The following LMNTD1 variants were observed in gnomAD, a reference collection of about 807,000 sequenced individuals.
The protein encoded by LMNTD1 is lamin tail domain containing 1.
A neutral mutation model predicts 50.9 loss-of-function variants in LMNTD1; 35 were observed. The ratio of observed to expected loss-of-function variants is 0.69; its 90% CI spans 0.53 to 0.91. The LOEUF is 0.91. Among genes scored for constraint, LMNTD1 ranks in the 40% least tolerant of loss-of-function variants. The pLI, the probability that LMNTD1 is intolerant of heterozygous loss-of-function variation, is 0.00. For synonymous variants in LMNTD1, 153 were observed against 161.9 expected (o/e 0.94, Z 0.42); for missense variants, 470 against 475.5 (o/e 0.99, Z 0.11).
chr12:25,520,395 C>G (rs1273448076), intron 6 of LMNTD1, among the ~76,000 whole-genome samples: 1 of 151,904 alleles, frequency 6.6e-6, no homozygotes, highest in Non-Finnish European at 1.5e-5. Context: ...TCCCCTGCTC[C>G]CATCCCTGTG....
At chr12:25,606,245 G>C (rs1164636470) in intron 1 of LMNTD1, among the ~76,000 whole-genome samples, 1 of 152,076 alleles carries the variant, frequency 6.6e-6, no homozygotes. Context: ...TGAGACGATG[G>C]GGTTTTCTAG....
intron 6 of LMNTD1, among the ~76,000 whole-genome samples, chr12:25,523,741 A>C (rs1565969134): frequency 1.3e-5 from 2 of 152,134 alleles, no homozygotes; most frequent in African/African-American, 4.8e-5. Flanking sequence ...ATTTAAGGGA[A>C]ATACTTTCTA....
rs550113894 is a variant in LMNTD1 at position 25,481,650 on chromosome 12, G to A, written c.*23-5190C>T. Among the ~76,000 whole-genome samples, 10 of 151,738 alleles carry A rather than the reference G, an allele frequency of 6.6e-5. No individual in the cohort carries two copies. In the South Asian group the frequency reaches 8.3e-4, roughly 13 times the overall value. On this transcript the variant is annotated intron_variant, in intron 9 of 9. Coordinates refer to ENST00000458174, the MANE Select transcript of LMNTD1 (RefSeq NM_001145728.2). ...AAAATGGTGATTTGAAATCAGGATC[G>A]TTCTGTAAAACATAGAACTTATCAC...
In LMNTD1 at chr12:25,512,786, G is replaced by T. The variant is rs146453442; in HGVS notation, c.1189+6009C>A. Among the ~76,000 whole-genome samples the T allele has an allele frequency of 3.6e-3, 554 of 152,096 alleles. 4 individuals are homozygous for T. Among genetic ancestry groups the T allele is most frequent in the African/African-American group, 0.013 (539 of 41,462 alleles). On this transcript the variant is annotated intron_variant, in intron 8 of 9. Coordinates refer to ENST00000458174, the MANE Select transcript of LMNTD1 (RefSeq NM_001145728.2). The stretch of plus-strand genomic sequence containing the variant: ...TGGCAAGAGCTTTGGTAGTGCATGG[G>T]GTAAGGGGCCAAGGGTAATCCCTCT...
intron 1 of LMNTD1, among the ~76,000 whole-genome samples, chr12:25,619,252 CTATATATATA>C (rs71450756): frequency 2.6e-3 from 218 of 84,400 alleles, no homozygotes; most frequent in Admixed American, 6.2e-3. Context: ...CTCTCTCTCT[CTATATATATA>C]TATATATATA....
At chr12:25,638,217 A>G (rs1358784242) in intron 1 of LMNTD1, among the ~76,000 whole-genome samples, 3 of 152,100 alleles carry the variant, frequency 2.0e-5, no homozygotes, top group African/African-American at 4.8e-5. Flanking sequence ...TCTACAAAAA[A>G]ACTCACAGCT....
chr12:25,606,233 G>C (rs1441613534), intron 1 of LMNTD1, among the ~76,000 whole-genome samples: 4 of 152,148 alleles, frequency 2.6e-5, no homozygotes, highest in Non-Finnish European at 4.4e-5. Context: ...GAGATTTTGG[G>C]CTGAGACGAT....
Position 25,519,587 on chromosome 12 carries a change from C to CAAA in LMNTD1, c.1016+268_1016+270dup, listed in dbSNP as rs58304861. ...TGGGTGACAGAGCGAGACTCTGTCT[C>CAAA]AAAAAAAAAAAAAAAAAAAAAGTGA... On this transcript the variant is annotated intron_variant, in intron 7 of 9. Transcript: ENST00000458174. Among the ~76,000 whole-genome samples the CAAA allele has an allele frequency of 6.3e-5, 6 of 94,700 alleles. 1 individual carries two copies. Among genetic ancestry groups the CAAA allele is most frequent in the Admixed American group, 1.2e-4 (1 of 8,294 alleles). 62.1% of individuals were successfully genotyped at this position (94,700 alleles called of 152,430 possible).
At chr12:25,513,159 CAGT>C (rs1440979244) in intron 8 of LMNTD1, among the ~76,000 whole-genome samples, 1 of 152,166 alleles carries the variant, frequency 6.6e-6, no homozygotes, top group East Asian at 1.9e-4. Context: ...AATGAATGCT[CAGT>C]GGTGACTTTC....
At chr12:25,632,264 T>C (rs1330720842) in intron 1 of LMNTD1, among the ~76,000 whole-genome samples, 3 of 152,192 alleles carry the variant, frequency 2.0e-5, no homozygotes, top group Non-Finnish European at 2.9e-5. Context: ...CTGGCCTTGC[T>C]AGTGTATCCA....
rs1329263866 is a variant in LMNTD1 at position 25,606,846 on chromosome 12, T to A, written c.58+41648A>T. Reference sequence around the variant, plus strand: ...TGGTATCAGGATGATGCTGGCCTCATAAAATGAGTTAGGGAGGATTCCTTC... The same window carrying A: ...TGGTATCAGGATGATGCTGGCCTCAAAAAATGAGTTAGGGAGGATTCCTTC... On this transcript the variant is annotated intron_variant, in intron 1 of 7. Transcript: ENST00000445693. 3.9e-5 allele frequency among the ~76,000 whole-genome samples: 6 copies of A among 152,336 alleles called. No individual in the cohort carries two copies. In the East Asian group the frequency reaches 1.2e-3, roughly 29 times the overall value.
At chr12:25,507,925 G>A (rs1939938177) in intron 8 of LMNTD1, among the ~76,000 whole-genome samples, 1 of 151,994 alleles carries the variant, frequency 6.6e-6, no homozygotes, top group African/African-American at 2.4e-5. Flanking sequence ...CATAATGATG[G>A]GTTTAAGCTT....
chr12:25,593,702 G>T (rs2136485314), intron 1 of LMNTD1, among the ~76,000 whole-genome samples: 1 of 150,624 alleles, frequency 6.6e-6, no homozygotes, highest in Admixed American at 6.6e-5. Context: ...TCCAAACCAA[G>T]AAGAAATCCC....
At position 25,611,521 on chromosome 12, in the gene LMNTD1, A is replaced by G. The variant is rs537085907; in HGVS notation, c.58+36973T>C. ...AGTTCAGATGGTTAAGTTTAATCCC[A>G]CTCATCATTTTACTCAGGTATAATG... On this transcript the variant is annotated intron_variant, in intron 1 of 7. Coordinates refer to the LMNTD1 transcript ENST00000445693. 1.2e-4 allele frequency among the ~76,000 whole-genome samples: 19 copies of G among 152,260 alleles called. No individual in the cohort carries two copies. The South Asian group carries it at 1.7e-3, about 13-fold the overall frequency.
At chr12:25,574,024 A>G (rs1351936819) in intron 1 of LMNTD1, among the ~76,000 whole-genome samples, 1 of 152,128 alleles carries the variant, frequency 6.6e-6, no homozygotes, top group Non-Finnish European at 1.5e-5. Context: ...CTCAACTAGC[A>G]CAGCCAGTAT....
chr12:25,566,670 AC>A, intron 1 of LMNTD1, among the ~76,000 whole-genome samples: 1 of 152,132 alleles, frequency 6.6e-6, no homozygotes, highest in East Asian at 1.9e-4. Flanking sequence ...AGAGGCCTCA[AC>A]CCTGTCTTTT....
At chr12:25,517,499 T>A (rs1221961856) in intron 8 of LMNTD1, among the ~76,000 whole-genome samples, 1 of 34,998 alleles carries the variant, frequency 2.9e-5, no homozygotes, top group South Asian at 1.3e-3. Context: ...TAGGTGGGAA[T>A]TGAACAATGA....
At chr12:25,489,753 T>C (rs1416593660) in intron 9 of LMNTD1, among the ~76,000 whole-genome samples, 2 of 152,146 alleles carry the variant, frequency 1.3e-5, no homozygotes, top group East Asian at 1.9e-4. Flanking sequence ...GGTGATATTA[T>C]TGAAAAATAA....
intron 6 of LMNTD1, among the ~76,000 whole-genome samples, chr12:25,522,053 A>C (rs192359525): frequency 2.0e-5 from 3 of 152,328 alleles, no homozygotes; most frequent in East Asian, 3.9e-4. Context: ...TTCACACTGT[A>C]ACCTTTGAAC....
Sources: gnomAD v4.1 joint callset for allele counts (sites outside exome capture counted in the v4.1 genomes callset) on GRCh38, gnomAD v4.1.1 for gene constraint, MANE v1.5 for transcripts, NCBI Gene and HGNC (gene_info 2026-07-23, HGNC 2026-07-21) for gene names.